The following TMEM132B variants were observed in gnomAD, a reference collection of about 807,000 sequenced individuals.
The protein encoded by TMEM132B is transmembrane protein 132B.
A neutral mutation model predicts 90.8 loss-of-function variants in TMEM132B; 18 were observed. The ratio of observed to expected loss-of-function variants is 0.20; its 90% CI spans 0.14 to 0.29. The LOEUF (loss-of-function observed/expected upper bound fraction) is 0.29. TMEM132B is among the 10% of genes least tolerant of loss of function. The pLI, the probability that TMEM132B is intolerant of heterozygous loss-of-function variation, is 1.00. For synonymous variants in TMEM132B, 504 were observed against 523.3 expected (o/e 0.96, Z 0.50); for missense variants, 1,096 against 1,326.8 (o/e 0.83, Z 2.70).
rs1036414493 is a variant in TMEM132B, at chr12:125,458,429, A to G, written c.1106+42752A>G. ...ACTAAGCAGGCAGCACAGGTCTGTG[A>G]TTCTAGAGAGAAGGAAACAAACCAG... On this transcript the variant is annotated intron_variant, in intron 3 of 8. Transcript: ENST00000682704. The surrounding 1 kb of genome is among the most constrained non-coding windows in gnomAD (Gnocchi z 4.9). Among the ~76,000 whole-genome samples, 6 of 152,160 alleles carry G rather than the reference A, an allele frequency of 3.9e-5. No homozygotes were observed. Among genetic ancestry groups the G allele is most frequent in the African/African-American group, 1.4e-4 (6 of 41,434 alleles).
At chr12:125,369,906 G>A (rs1199165415) in intron 2 of TMEM132B, among the ~76,000 whole-genome samples, 3 of 152,168 alleles carry the variant, frequency 2.0e-5, no homozygotes, top group East Asian at 1.9e-4. Flanking sequence ...AAAATCAGCC[G>A]GGTGTGGTGG....
At chr12:125,578,012 G>A (rs1270930410) in intron 4 of TMEM132B, among the ~76,000 whole-genome samples, 1 of 152,030 alleles carries the variant, frequency 6.6e-6, no homozygotes, top group Admixed American at 6.6e-5. Flanking sequence ...CTTGTTTAAT[G>A]GCCTGACCTG....
At position 125,662,160 on chromosome 12, in the gene TMEM132B, T is replaced by A. The variant is rs1456221581; in HGVS notation, c.*7450T>A. The A allele has an allele frequency of 2.0e-5, 3 of 152,198 alleles. No homozygotes were observed. The highest frequency in any genetic ancestry group is 7.2e-5 in the African/African-American group (3 of 41,458). 9.4% of individuals were successfully genotyped at this position (152,198 alleles called of 1,614,324 possible). A position where few individuals can be genotyped will look rare whatever the true frequency, so the allele number is the denominator to read the frequency against. On this transcript the variant is annotated 3_prime_UTR_variant, in exon 9 of 9. Transcript: ENST00000682704. ...TACTTTCCACATTTCTGAATTGGAT[T>A]CTTGTTCCCTGGTAAACACCAGATA...
intron 2 of TMEM132B, among the ~76,000 whole-genome samples, chr12:125,372,146 AT>A (rs754006132): frequency 2.6e-5 from 4 of 152,202 alleles, no homozygotes; most frequent in African/African-American, 4.8e-5. Flanking sequence ...GTTTTCGAGA[AT>A]TTTATTCAAA....
intron 1 of TMEM132B, among the ~76,000 whole-genome samples, chr12:125,216,036 C>T (rs542413670): frequency 4.6e-5 from 7 of 152,382 alleles, no homozygotes; most frequent in Non-Finnish European, 1.0e-4. Context: ...AAGAATCTCT[C>T]TGCTCTTTGG....
intron 3 of TMEM132B, among the ~76,000 whole-genome samples, chr12:125,423,291 C>CACTT (rs1280534132): frequency 6.6e-6 from 1 of 152,228 alleles, no homozygotes; most frequent in Non-Finnish European, 1.5e-5. Flanking sequence ...TGCCACTGGA[C>CACTT]ACTTGGAAGA....
chr12:125,558,075 C>A (rs1346589933), intron 4 of TMEM132B, among the ~76,000 whole-genome samples: 1 of 152,282 alleles, frequency 6.6e-6, no homozygotes, highest in East Asian at 1.9e-4. Context: ...TATCAGGATC[C>A]AATCATCCGT....
intron 3 of TMEM132B, among the ~76,000 whole-genome samples, chr12:125,475,634 C>T (rs1019438051): frequency 1.3e-5 from 2 of 152,316 alleles, no homozygotes; most frequent in Middle Eastern, 6.8e-3. Flanking sequence ...CCTTGAACAT[C>T]GGACTCCAAG....
At chr12:125,431,417 A>G (rs1288899907) in intron 3 of TMEM132B, among the ~76,000 whole-genome samples, 1 of 152,178 alleles carries the variant, frequency 6.6e-6, no homozygotes, top group African/African-American at 2.4e-5. Context: ...GTGGAAAGAC[A>G]CCAGCCCCCT....
chr12:125,497,956 G>A (rs768965336), intron 3 of TMEM132B, among the ~76,000 whole-genome samples: 3 of 152,128 alleles, frequency 2.0e-5, no homozygotes, highest in African/African-American at 4.8e-5. Flanking sequence ...TCATGAGTTG[G>A]CAAAGGACTC....
intron 5 of TMEM132B, among the ~76,000 whole-genome samples, chr12:125,642,831 C>T (rs1298925769): frequency 6.6e-6 from 1 of 152,138 alleles, no homozygotes; most frequent in Non-Finnish European, 1.5e-5. Context: ...CTTAAGTGTC[C>T]CATTAGCTAT....
At chr12:125,523,187 T>C (rs896461108) in intron 4 of TMEM132B, among the ~76,000 whole-genome samples, 1 of 152,242 alleles carries the variant, frequency 6.6e-6, no homozygotes, top group Non-Finnish European at 1.5e-5. Flanking sequence ...ATAAACTCAA[T>C]GACTTTAAAA....
chr12:125,324,988 T>C lies in TMEM132B; in HGVS notation c.68-24464T>C, dbSNP rs1057291317. ...CCAGTTCCTGCTCTGGGCCCCTTGGTGTAGACAGTGGTTACCTGCCTGCAA... is the reference window on the plus strand; with the variant it reads ...CCAGTTCCTGCTCTGGGCCCCTTGGCGTAGACAGTGGTTACCTGCCTGCAA... On this transcript the variant is annotated intron_variant, in intron 1 of 8. Coordinates refer to ENST00000682704, the MANE Select transcript of TMEM132B (RefSeq NM_001366854.1). 3.3e-5 allele frequency among the ~76,000 whole-genome samples: 5 copies of C among 152,280 alleles called. No individual in the cohort carries two copies. The East Asian group carries it at 9.7e-4, about 29-fold the overall frequency.
At chr12:125,333,433 G>A (rs770677288) in intron 1 of TMEM132B, among the ~76,000 whole-genome samples, 9 of 152,290 alleles carry the variant, frequency 5.9e-5, no homozygotes, top group African/African-American at 2.2e-4. Flanking sequence ...CACTACATAC[G>A]GCAAATAGAA....
At chr12:125,515,913 CAT>C (rs1883141968) in intron 3 of TMEM132B, among the ~76,000 whole-genome samples, 1 of 146,228 alleles carries the variant, frequency 6.8e-6, no homozygotes, top group African/African-American at 2.6e-5. Flanking sequence ...CACACAAACA[CAT>C]GTACATATCC....
intron 2 of TMEM132B, among the ~76,000 whole-genome samples, chr12:125,356,698 T>C (rs1312905894): frequency 6.6e-6 from 1 of 152,244 alleles, no homozygotes; most frequent in Non-Finnish European, 1.5e-5. Context: ...CAGGCCGCCA[T>C]GTTGCCTACA....
chr12:125,273,216 T>C (rs1456327045), intron 1 of TMEM132B, among the ~76,000 whole-genome samples: 1 of 152,206 alleles, frequency 6.6e-6, no homozygotes, highest in African/African-American at 2.4e-5. Flanking sequence ...CTAACTTGAA[T>C]AGATACAAAA....
At chr12:125,543,203 G>C (rs1463776943) in intron 4 of TMEM132B, among the ~76,000 whole-genome samples, 2 of 152,138 alleles carry the variant, frequency 1.3e-5, no homozygotes, top group Non-Finnish European at 2.9e-5. Flanking sequence ...CATACTTATA[G>C]CTTAAAAATT....
Position 125,186,592 on chromosome 12 carries a change from G to T in TMEM132B, c.-208G>T, listed in dbSNP as rs571728794. Among the ~76,000 whole-genome samples the T allele has an allele frequency of 6.3e-3, 926 of 146,932 alleles. 6 individuals are homozygous for T. The highest frequency in any genetic ancestry group is 0.011 in the Non-Finnish European group (726 of 65,972). On this transcript the variant is annotated 5_prime_UTR_variant, in exon 1 of 9. Coordinates refer to ENST00000682704, the MANE Select transcript of TMEM132B (RefSeq NM_001366854.1). This position sits in a 1 kb window ranked among gnomAD's most constrained non-coding sequence, Gnocchi z 6.3. The stretch of plus-strand genomic sequence containing the variant: ...TCGGCCGCCCCAGCTCCCCAGCCAC[G>T]CACGGCCGAGCCCAGGAGAGCGCGC...
Sources: gnomAD v4.1 joint callset for allele counts (sites outside exome capture counted in the v4.1 genomes callset) on GRCh38, gnomAD v4.1.1 for gene constraint, Gnocchi (gnomAD v3.1) non-coding constraint, MANE v1.5 for transcripts, NCBI Gene and HGNC (gene_info 2026-07-23, HGNC 2026-07-21) for gene names.